The following OVCH1 variants were observed in gnomAD, a reference collection of about 807,000 sequenced individuals.
The protein encoded by OVCH1 is ovochymase-1.
In OVCH1, 139 loss-of-function variants were observed where a neutral mutation model predicts 138.4. That is an observed-to-expected ratio of 1.00 (90% CI 0.87 to 1.16). The LOEUF (loss-of-function observed/expected upper bound fraction) is 1.16. Ranked by LOEUF, OVCH1 falls within the 50% of genes most tolerant of loss-of-function variation. The pLI, the probability that OVCH1 is intolerant of heterozygous loss-of-function variation, is 0.00. For synonymous variants in OVCH1, 453 were observed against 467.8 expected (o/e 0.97, Z 0.41); for missense variants, 1,367 against 1,357.9 (o/e 1.01, Z -0.11).
chr12:29,488,723 C>A (rs1943190050), intron 6 of OVCH1, among the ~76,000 whole-genome samples: 1 of 151,718 alleles, frequency 6.6e-6, no homozygotes, highest in Non-Finnish European at 1.5e-5. Flanking sequence ...AATAACATTC[C>A]AGAATCTATG....
chr12:29,410,514 A>G (rs1205253766), downstream of OVCH1, among the ~76,000 whole-genome samples: 1 of 134,156 alleles, frequency 7.5e-6, no homozygotes, highest in South Asian at 2.5e-4. Flanking sequence ...GGTGGTGACA[A>G]AATCTGTCAG....
intron 1 of OVCH1, 93 bp downstream of exon 1, chr12:29,497,530 C>T: frequency 6.8e-7 from 1 of 1,464,118 alleles, no homozygotes; most frequent in Non-Finnish European, 9.3e-7. Flanking sequence ...GGCTATACCA[C>T]CCCGACTTCC....
chr12:29,486,406 T>C (rs1943108684), intron 7 of OVCH1, 58 bp from the exon 8 acceptor site: 1 of 1,310,786 alleles, frequency 7.6e-7, no homozygotes, highest in African/African-American at 1.5e-5. Flanking sequence ...AAATAAAACA[T>C]TTTTAACAAT....
intron 21 of OVCH1, among the ~76,000 whole-genome samples, chr12:29,453,340 C>A (rs12300295): frequency 0.018 from 2,787 of 152,252 alleles, 90 homozygotes; most frequent in African/African-American, 0.064. Flanking sequence ...TTTTCTCCAA[C>A]ACTTTTCCTG....
chr12:29,490,734 T>TCA (rs919639042), intron 5 of OVCH1, among the ~76,000 whole-genome samples: 17 of 152,296 alleles, frequency 1.1e-4, no homozygotes, highest in Non-Finnish European at 2.5e-4. Flanking sequence ...TTCCAGGTAA[T>TCA]CACCCTTCTA....
chr12:29,422,181 C>A (rs553090026), intron 3 of OVCH1, among the ~76,000 whole-genome samples: 1 of 152,080 alleles, frequency 6.6e-6, no homozygotes, highest in East Asian at 1.9e-4. Flanking sequence ...TTATTAGTAT[C>A]CAACCTGCAA....
chr12:29,455,418 G>A lies in OVCH1; in HGVS notation c.2281-13C>T. ...CACCAGAGTCTCCCTGAAACACCAAGAAAACATGTTTTAGAAAACTGCTTT... is the reference window on the plus strand; with the variant it reads ...CACCAGAGTCTCCCTGAAACACCAAAAAAACATGTTTTAGAAAACTGCTTT... On this transcript the variant is annotated splice_polypyrimidine_tract_variant and intron_variant, in intron 19 of 27. Coordinates refer to ENST00000318184, the Ensembl canonical transcript of OVCH1. 1 of 1,584,668 alleles carries A rather than the reference G, an allele frequency of 6.3e-7. No individual in the cohort carries two copies. Among genetic ancestry groups the A allele is most frequent in the Non-Finnish European group, 8.6e-7 (1 of 1,167,930 alleles).
chr12:29,409,063 C>G (rs1411875454), downstream of OVCH1, among the ~76,000 whole-genome samples: 1 of 152,124 alleles, frequency 6.6e-6, no homozygotes, highest in African/African-American at 2.4e-5. Context: ...AGGAATTTAT[C>G]CATTTCTTCT....
chr12:29,464,323 G>T, intron 18 of OVCH1, 184 bp downstream of exon 18: 1 of 716,272 alleles, frequency 1.4e-6, no homozygotes, highest in Non-Finnish European at 2.4e-6. Context: ...AAGTTACCCT[G>T]AAGGAAAAGT....
At chr12:29,475,330 G>A (rs2136023788) in intron 13 of OVCH1, 141 bp from the exon 14 acceptor site, 1 of 560,916 alleles carries the variant, frequency 1.8e-6, no homozygotes, top group South Asian at 3.6e-5. Context: ...CATCTCATGT[G>A]AGAATTAAAT....
intron 18 of OVCH1, among the ~76,000 whole-genome samples, chr12:29,462,686 A>G (rs1228046648): frequency 6.6e-6 from 1 of 152,092 alleles, no homozygotes; most frequent in African/African-American, 2.4e-5. Flanking sequence ...TTTATATAGT[A>G]TCTTAATATT....
intron 26 of OVCH1, among the ~76,000 whole-genome samples, chr12:29,435,375 CT>C (rs375193760): frequency 6.6e-6 from 1 of 151,630 alleles, no homozygotes; most frequent in Non-Finnish European, 1.5e-5. Flanking sequence ...TTAAAAACCA[CT>C]TTTTTTTTGA....
intron 16 of OVCH1, among the ~76,000 whole-genome samples, chr12:29,470,927 G>A (rs533570960): frequency 1.3e-5 from 2 of 152,050 alleles, no homozygotes; most frequent in Non-Finnish European, 2.9e-5. Context: ...GGTGTGAGAT[G>A]GTATCTCATT....
At position 29,448,513 on chromosome 12, in the gene OVCH1, G is replaced by A. The variant is rs144000962; in HGVS notation, c.2755+2832C>T. ...GGAGCTCTTCAAAGTGCTGGGAATA[G>A]ACAATGGCCCCGAGGTAAGAATGAG... On this transcript the variant is annotated intron_variant, in intron 22 of 27. Transcript: ENST00000318184. Among the ~76,000 whole-genome samples the A allele has an allele frequency of 6.4e-4, 98 of 152,112 alleles. 1 individual carries two copies. The highest frequency in any genetic ancestry group is 1.9e-3 in the African/African-American group (80 of 41,516).
intron 22 of OVCH1, 146 bp from the exon 23 acceptor site, chr12:29,445,549 G>T: frequency 1.2e-6 from 1 of 829,040 alleles, no homozygotes; most frequent in Non-Finnish European, 1.8e-6. Flanking sequence ...CAGAACATAA[G>T]TGACTCACTC....
intron 19 of OVCH1, among the ~76,000 whole-genome samples, chr12:29,456,525 T>A (rs1057179871): frequency 3.9e-5 from 6 of 152,230 alleles, no homozygotes; most frequent in African/African-American, 1.4e-4. Flanking sequence ...TGACAAATTA[T>A]AAGCAGAAAG....
At chr12:29,474,344 G>A (rs1329163496) in intron 14 of OVCH1, among the ~76,000 whole-genome samples, 2 of 152,116 alleles carry the variant, frequency 1.3e-5, no homozygotes, top group Admixed American at 6.6e-5. Flanking sequence ...CTTTGGGAAC[G>A]TTACTTAACT....
chr12:29,458,151 A>C (rs1449251526), intron 19 of OVCH1, among the ~76,000 whole-genome samples: 3 of 152,208 alleles, frequency 2.0e-5, no homozygotes, highest in African/African-American at 7.2e-5. Flanking sequence ...CATAAAATGT[A>C]TATGGAACCA....
At chr12:29,493,572 G>A (rs1232062659) in intron 4 of OVCH1, among the ~76,000 whole-genome samples, 1 of 151,870 alleles carries the variant, frequency 6.6e-6, no homozygotes, top group African/African-American at 2.4e-5. Flanking sequence ...TGTCTTCTCC[G>A]GGTAATTATT....
Sources: gnomAD v4.1 joint callset for allele counts (sites outside exome capture counted in the v4.1 genomes callset) on GRCh38, gnomAD v4.1.1 for gene constraint, MANE v1.5 for transcripts, NCBI Gene and HGNC (gene_info 2026-07-23, HGNC 2026-07-21) for gene names.